The following THSD4 variants were observed in gnomAD, a reference collection of about 807,000 sequenced individuals.
THSD4 encodes the protein thrombospondin type-1 domain-containing protein 4.
In THSD4, 69 loss-of-function variants were observed where a neutral mutation model predicts 119.0. That is an observed-to-expected ratio of 0.58 (90% CI 0.48 to 0.71). The LOEUF is 0.71. Among genes scored for constraint, THSD4 ranks in the 30% least tolerant of loss-of-function variants. The probability of loss-of-function intolerance (pLI) is 0.00; values close to 1 mark genes in which losing one functional copy is unlikely to be tolerated. For missense variants in THSD4, 1,393 were observed against 1,391.1 expected (o/e 1.00, Z -0.02); for synonymous variants, 524 against 540.4 (o/e 0.97, Z 0.42).
intron 7 of THSD4, among the ~76,000 whole-genome samples, chr15:71,429,286 G>A (rs969769780): frequency 7.9e-5 from 12 of 152,198 alleles, no homozygotes; most frequent in African/African-American, 2.9e-4. Context: ...GATAGTAAAC[G>A]ATTGTTAGGG....
At chr15:71,646,321 A>C (rs988162343) in intron 7 of THSD4, among the ~76,000 whole-genome samples, 1 of 152,246 alleles carries the variant, frequency 6.6e-6, no homozygotes, top group Non-Finnish European at 1.5e-5. Context: ...ACCAGAGTCC[A>C]TAAGTTGTCA....
At chr15:71,136,494 C>T (rs868581613) in intron 1 of THSD4, among the ~76,000 whole-genome samples, 2 of 152,190 alleles carry the variant, frequency 1.3e-5, no homozygotes, top group South Asian at 2.1e-4. Context: ...GTTCTGAGAA[C>T]GTGTCCTCAC....
At chr15:71,197,926 A>G (rs1436033338) in intron 3 of THSD4, among the ~76,000 whole-genome samples, 1 of 152,148 alleles carries the variant, frequency 6.6e-6, no homozygotes, top group Non-Finnish European at 1.5e-5. Flanking sequence ...ACAAATGGAA[A>G]GGCTCTCAGA....
chr15:71,321,388 T>A (rs1034677682), intron 6 of THSD4, among the ~76,000 whole-genome samples: 1 of 152,084 alleles, frequency 6.6e-6, no homozygotes, highest in Non-Finnish European at 1.5e-5. Flanking sequence ...ATACAAAAAT[T>A]AGCTGAGCAT....
chr15:71,612,514 C>A (rs1323387819), intron 7 of THSD4, among the ~76,000 whole-genome samples: 3 of 152,208 alleles, frequency 2.0e-5, no homozygotes, highest in African/African-American at 7.2e-5. Context: ...AATGTGTGAA[C>A]CTAACACTGT....
At chr15:71,355,485 C>G (rs1240816988) in intron 6 of THSD4, among the ~76,000 whole-genome samples, 2 of 152,202 alleles carry the variant, frequency 1.3e-5, no homozygotes, top group South Asian at 2.1e-4. Context: ...TTGCATTTCC[C>G]TATCTACCCA....
chr15:71,426,928 A>C (rs1481625270), intron 7 of THSD4, among the ~76,000 whole-genome samples: 2 of 152,186 alleles, frequency 1.3e-5, no homozygotes, highest in African/African-American at 4.8e-5. Flanking sequence ...AACGAGGTAG[A>C]AATTGGTTAT....
chr15:71,522,216 T>A (rs2048451260), intron 7 of THSD4, among the ~76,000 whole-genome samples: 1 of 152,228 alleles, frequency 6.6e-6, no homozygotes, highest in African/African-American at 2.4e-5. Context: ...TTCAGGGCAC[T>A]TTCTTCTGTC....
At chr15:71,586,777 A>G (rs1179772467) in intron 7 of THSD4, among the ~76,000 whole-genome samples, 1 of 152,222 alleles carries the variant, frequency 6.6e-6, no homozygotes, top group African/African-American at 2.4e-5. Context: ...GTACAGCAGA[A>G]GCAGGAAATC....
chr15:71,256,489 T>C (rs1016990871), intron 5 of THSD4, 124 bp from the exon 6 acceptor site: 1 of 548,072 alleles, frequency 1.8e-6, no homozygotes, highest in African/African-American at 2.1e-5. Flanking sequence ...AAAAAAAAAA[T>C]AAATAAATAA....
intron 1 of THSD4, among the ~76,000 whole-genome samples, chr15:71,141,102 T>C (rs374021668): frequency 6.6e-6 from 1 of 152,268 alleles, no homozygotes; most frequent in East Asian, 1.9e-4. Context: ...GACACATGAA[T>C]GTGACATGAC....
intron 7 of THSD4, among the ~76,000 whole-genome samples, chr15:71,489,162 CT>C (rs1195958623): frequency 6.6e-6 from 1 of 152,022 alleles, no homozygotes; most frequent in Non-Finnish European, 1.5e-5. Flanking sequence ...AGAAGTATGA[CT>C]ATGTAGCCAA....
At chr15:71,722,651 G>A (rs779456660) in intron 8 of THSD4, among the ~76,000 whole-genome samples, 9 of 152,072 alleles carry the variant, frequency 5.9e-5, no homozygotes, top group South Asian at 2.1e-4. Context: ...TACCATGTCC[G>A]TTACATTGAT....
In THSD4 at chr15:71,490,473, T is replaced by G. The variant is rs1595820178; in HGVS notation, c.1152+78650T>G. Among the ~76,000 whole-genome samples the G allele has an allele frequency of 2.1e-5, 3 of 145,662 alleles. No homozygotes were observed. The Admixed American group carries it at 2.2e-4, about 11-fold the overall frequency. On this transcript the variant is annotated intron_variant, in intron 7 of 17. Transcript: ENST00000261862. The stretch of plus-strand genomic sequence containing the variant: ...TACTCGGGAGGCTGAGGCAGGAGAA[T>G]GGCGTGAACCCAGGAGGCAGAGCTT...
chr15:71,368,418 G>A (rs1157519275), intron 6 of THSD4, among the ~76,000 whole-genome samples: 2 of 152,178 alleles, frequency 1.3e-5, no homozygotes, highest in Non-Finnish European at 2.9e-5. Context: ...ATGGTTTTAG[G>A]TCTAACATTT....
chr15:71,566,452 G>T (rs1167222841), intron 7 of THSD4, among the ~76,000 whole-genome samples: 1 of 152,094 alleles, frequency 6.6e-6, no homozygotes, highest in Admixed American at 6.6e-5. Context: ...CTCCACCAGA[G>T]CCCTCTGTGA....
intron 16 of THSD4, among the ~76,000 whole-genome samples, chr15:71,766,477 T>C (rs2053718990): frequency 6.6e-6 from 1 of 152,146 alleles, no homozygotes; most frequent in African/African-American, 2.4e-5. Context: ...AATATATGAA[T>C]AAAAGCTGAG....
intron 7 of THSD4, among the ~76,000 whole-genome samples, chr15:71,412,208 G>A (rs2046699344): frequency 6.6e-6 from 1 of 152,184 alleles, no homozygotes; most frequent in Non-Finnish European, 1.5e-5. Flanking sequence ...CATTTTAAGG[G>A]AATGGCATAT....
At position 71,375,856 on chromosome 15, in the gene THSD4, A is replaced by C. The variant is rs574269949; in HGVS notation, c.1016-35831A>C. On this transcript the variant is annotated intron_variant, in intron 6 of 17. Transcript: ENST00000261862. ...ACTAAATCAGAGGCTCTGGAGGAGG[A>C]CCCTGGCAATCTGGGTTTTAATAAA... Among the ~76,000 whole-genome samples, 82 of 152,304 alleles carry C rather than the reference A, an allele frequency of 5.4e-4. No individual in the cohort carries two copies. In the South Asian group the frequency reaches 0.016, roughly 30 times the overall value.
Sources: gnomAD v4.1 joint callset for allele counts (sites outside exome capture counted in the v4.1 genomes callset) on GRCh38, gnomAD v4.1.1 for gene constraint, MANE v1.5 for transcripts, NCBI Gene and HGNC (gene_info 2026-07-23, HGNC 2026-07-21) for gene names.